Variants in CPS1 observed in about 807,000 individuals in gnomAD.
CPS1 encodes the protein carbamoyl-phosphate synthase 1.
CPS1 carries 109 observed loss-of-function variants against 174.6 expected under a neutral mutation model. The observed-to-expected ratio is 0.62, with a 90% CI of 0.53 to 0.73. The LOEUF (loss-of-function observed/expected upper bound fraction) is 0.73. CPS1 is among the 30% of genes least tolerant of loss of function. The pLI, the probability that CPS1 is intolerant of heterozygous loss-of-function variation, is 0.00. For missense variants in CPS1, 1,689 were observed against 1,821.9 expected, an observed-to-expected ratio of 0.93 and a Z score of 1.33; for synonymous variants, 637 against 632.0, an observed-to-expected ratio of 1.01 and a Z score of -0.12.
intron 32 of CPS1, 150 bp from the exon 33 acceptor site, chr2:210,662,973 G>A (rs915304859): frequency 3.0e-5 from 23 of 761,276 alleles, no homozygotes; most frequent in Non-Finnish European, 4.8e-5. Flanking sequence ...CTTTCAAGTC[G>A]GATGCTTGGA....
At chr2:210,608,225 T>A (rs1405270401) in intron 18 of CPS1, 136 bp from the exon 19 acceptor site, 2 of 765,346 alleles carry the variant, frequency 2.6e-6, no homozygotes, top group Non-Finnish European at 4.3e-6. Flanking sequence ...TAAATATTGA[T>A]GCAGAACAGA....
chr2:210,610,934 A>G (rs1015639362), intron 19 of CPS1, among the ~76,000 whole-genome samples: 1 of 151,932 alleles, frequency 6.6e-6, no homozygotes, highest in African/African-American at 2.4e-5. Flanking sequence ...AACTAATTTC[A>G]GATAAATTTT....
chr2:210,530,699 T>TA (rs1696094108), intron 1 of CPS1, among the ~76,000 whole-genome samples: 1 of 152,042 alleles, frequency 6.6e-6, no homozygotes, highest in South Asian at 2.1e-4. Context: ...TTAAGAAACT[T>TA]ACTGCAGCAT....
intron 1 of CPS1, among the ~76,000 whole-genome samples, chr2:210,549,447 A>C (rs1309839559): frequency 6.6e-6 from 1 of 152,080 alleles, no homozygotes; most frequent in African/African-American, 2.4e-5. Context: ...TGTTGTAGGC[A>C]TATTTAGACC....
chr2:210,506,661 C>T (rs1322809763), intron 1 of CPS1, among the ~76,000 whole-genome samples: 1 of 152,080 alleles, frequency 6.6e-6, no homozygotes, highest in African/African-American at 2.4e-5. Flanking sequence ...ACTAGAATAA[C>T]CAATGCAAAG....
chr2:210,648,412 T>G lies in CPS1; in HGVS notation c.3337-61T>G, dbSNP rs1574639183. The G allele has an allele frequency of 2.9e-6, 4 of 1,374,944 alleles. No individual in the cohort carries two copies. The East Asian group carries it at 9.1e-5, about 31-fold the overall frequency. 85.2% of individuals were successfully genotyped at this position (1,374,944 alleles called of 1,614,324 possible). ...TACCACTCGAGCTAATGATACATTC[T>G]GTAATTTTATTGCATATTTTAAACT... On this transcript the variant is annotated intron_variant, in intron 26 of 37. Coordinates refer to ENST00000233072, the MANE Select transcript of CPS1 (RefSeq NM_001875.5).
At chr2:210,651,006 C>T (rs1376290196) in intron 28 of CPS1, among the ~76,000 whole-genome samples, 1 of 152,204 alleles carries the variant, frequency 6.6e-6, no homozygotes, top group Non-Finnish European at 1.5e-5. Flanking sequence ...CACCTTCCTC[C>T]ACTGCCCCCC....
rs1421012867 is a variant in CPS1, at chr2:210,626,221, C to T, written c.2687+9680C>T. The stretch of plus-strand genomic sequence containing the variant: ...AAATGGTTTCCAATTCTTTATTTAC[C>T]ATATATTTTCTTGGGAATTGATATA... On this transcript the variant is annotated intron_variant, in intron 21 of 37. Coordinates refer to ENST00000233072, the MANE Select transcript of CPS1 (RefSeq NM_001875.5). Among the ~76,000 whole-genome samples, 3 of 151,880 alleles carry T rather than the reference C, an allele frequency of 2.0e-5. No homozygotes were observed. In the East Asian group the frequency reaches 5.8e-4, roughly 29 times the overall value.
At chr2:210,579,073 A>T (rs1697813869) in intron 4 of CPS1, among the ~76,000 whole-genome samples, 1 of 152,094 alleles carries the variant, frequency 6.6e-6, no homozygotes, top group Admixed American at 6.6e-5. Flanking sequence ...TTTCTCAGAT[A>T]ATTAGTGGAA....
At chr2:210,636,506 T>G (rs908986910) in intron 21 of CPS1, among the ~76,000 whole-genome samples, 3 of 152,072 alleles carry the variant, frequency 2.0e-5, no homozygotes, top group African/African-American at 7.2e-5. Context: ...GTGGGCCAGA[T>G]AATGTGGTAG....
At chr2:210,497,817 C>T (rs1429372654) in intron 1 of CPS1, among the ~76,000 whole-genome samples, 4 of 148,992 alleles carry the variant, frequency 2.7e-5, no homozygotes, top group African/African-American at 9.9e-5. Context: ...GTTGATTCCA[C>T]GTCTTTGCTA....
chr2:210,515,641 A>T (rs1284167080), intron 1 of CPS1, among the ~76,000 whole-genome samples: 2 of 151,518 alleles, frequency 1.3e-5, no homozygotes, highest in Non-Finnish European at 3.0e-5. Context: ...TTATTCTTTC[A>T]AAGAACCCAC....
At position 210,659,431 on chromosome 2, in the gene CPS1, C is replaced by T. The variant is rs573360442; in HGVS notation, c.3756+743C>T. On this transcript the variant is annotated intron_variant, in intron 31 of 37. Transcript: ENST00000233072. ...TTTACTCCTACCAGACTCTGATTAT[C>T]CTTTTTAATTTAGGTGAAGGATGCT... 9.9e-5 allele frequency among the ~76,000 whole-genome samples: 15 copies of T among 152,162 alleles called. No homozygotes were observed. The South Asian group carries it at 3.1e-3, about 32-fold the overall frequency.
intron 1 of CPS1, among the ~76,000 whole-genome samples, chr2:210,540,245 C>T (rs747429517): frequency 4.6e-5 from 7 of 152,240 alleles, no homozygotes; most frequent in Non-Finnish European, 1.0e-4. Context: ...CTTTTTCTTT[C>T]TCTTTGCCTT....
At chr2:210,496,281 C>T (rs1334872584) in intron 1 of CPS1, among the ~76,000 whole-genome samples, 1 of 152,162 alleles carries the variant, frequency 6.6e-6, no homozygotes, top group Admixed American at 6.5e-5. Context: ...CTCTCTGTCT[C>T]CAGAGCCTTT....
At chr2:210,630,355 CTACAT>C (rs1472313146) in intron 21 of CPS1, among the ~76,000 whole-genome samples, 1 of 152,096 alleles carries the variant, frequency 6.6e-6, no homozygotes, top group Non-Finnish European at 1.5e-5. Flanking sequence ...TTAAAGATAT[CTACAT>C]TATCAGTTTC....
intron 2 of CPS1, among the ~76,000 whole-genome samples, chr2:210,574,139 T>C (rs533787315): frequency 5.9e-5 from 9 of 152,168 alleles, no homozygotes; most frequent in African/African-American, 1.9e-4. Flanking sequence ...TTATATAATA[T>C]TGGGAACATC....
intron 1 of CPS1, among the ~76,000 whole-genome samples, chr2:210,483,502 G>C (rs940197743): frequency 6.6e-6 from 1 of 152,168 alleles, no homozygotes; most frequent in Non-Finnish European, 1.5e-5. Flanking sequence ...TCTGACTTGA[G>C]AGCCAATATG....
intron 13 of CPS1, among the ~76,000 whole-genome samples, chr2:210,596,853 A>C (rs370054743): frequency 4.7e-4 from 72 of 151,966 alleles, no homozygotes; most frequent in Middle Eastern, 3.4e-3. Context: ...GTAAAGTTAT[A>C]TAGTTTTAAC....
Sources: gnomAD v4.1 joint callset for allele counts (sites outside exome capture counted in the v4.1 genomes callset) on GRCh38, gnomAD v4.1.1 for gene constraint, MANE v1.5 for transcripts, NCBI Gene and HGNC (gene_info 2026-07-23, HGNC 2026-07-21) for gene names.